The following PAPPA2 variants were observed in gnomAD, a reference collection of about 807,000 sequenced individuals.
PAPPA2 encodes the protein pappalysin 2.
A neutral mutation model predicts 176.4 loss-of-function variants in PAPPA2; 86 were observed. The observed-to-expected ratio is 0.49, with a 90% confidence interval of 0.41 to 0.58. The LOEUF is 0.58. Among genes scored for constraint, PAPPA2 ranks in the 20% least tolerant of loss-of-function variants. The pLI, the probability that PAPPA2 is intolerant of heterozygous loss-of-function variation, is 0.00. For missense variants in PAPPA2, 2,073 were observed against 2,256.9 expected (o/e 0.92, Z 1.65); for synonymous variants, 809 against 852.2 (o/e 0.95, Z 0.88).
intron 12 of PAPPA2, among the ~76,000 whole-genome samples, chr1:176,716,562 A>G (rs1380863038): frequency 6.7e-6 from 1 of 149,832 alleles, no homozygotes; most frequent in Non-Finnish European, 1.5e-5. Context: ...GAACCTCTTA[A>G]GAAAGTTTGT....
chr1:176,827,085 T>G (rs1053212253), intron 21 of PAPPA2, among the ~76,000 whole-genome samples: 1 of 152,214 alleles, frequency 6.6e-6, no homozygotes, highest in Non-Finnish European at 1.5e-5. Flanking sequence ...CTGATGACTT[T>G]CCTTCACAAA....
At chr1:176,813,696 A>T (rs1666265507) in intron 21 of PAPPA2, among the ~76,000 whole-genome samples, 1 of 152,184 alleles carries the variant, frequency 6.6e-6, no homozygotes, top group African/African-American at 2.4e-5. Context: ...GACCTTTGTC[A>T]GATGGATAGA....
At chr1:176,627,087 G>A (rs970513889) in intron 3 of PAPPA2, among the ~76,000 whole-genome samples, 1 of 151,786 alleles carries the variant, frequency 6.6e-6, no homozygotes, top group Admixed American at 6.6e-5. Flanking sequence ...ATTCAGGCCT[G>A]TACATCCAGA....
chr1:176,596,756 T>C (rs1200084546), intron 3 of PAPPA2, among the ~76,000 whole-genome samples: 1 of 152,216 alleles, frequency 6.6e-6, no homozygotes, highest in Non-Finnish European at 1.5e-5. Context: ...ATCTGGTGTG[T>C]CTCTTGTTCT....
chr1:176,491,391 C>T (rs912321340), intron 1 of PAPPA2, among the ~76,000 whole-genome samples: 1 of 152,112 alleles, frequency 6.6e-6, no homozygotes, highest in Non-Finnish European at 1.5e-5. Flanking sequence ...GACATCTAGG[C>T]TGGGCTTGAA....
intron 1 of PAPPA2, among the ~76,000 whole-genome samples, chr1:176,471,738 C>A (rs570911703): frequency 6.6e-6 from 1 of 152,308 alleles, no homozygotes; most frequent in African/African-American, 2.4e-5. Context: ...TGTGATATAT[C>A]CTTTCAATCT....
rs1461803605 is a variant in PAPPA2, at chr1:176,616,441, G to A, written c.1991+20846G>A. On this transcript the variant is annotated intron_variant, in intron 3 of 22. Coordinates refer to ENST00000367662, the MANE Select transcript of PAPPA2 (RefSeq NM_020318.3). ...TTCATTCCACCTTCAACTGATGCTA[G>A]GGCAACAAGTACTGGAGCTTTCCCA... The A allele has an allele frequency of 7.6e-6, 5 of 658,610 alleles. No individual in the cohort carries two copies. In the East Asian group the frequency reaches 1.3e-4, roughly 17 times the overall value. 40.8% of individuals were successfully genotyped at this position (658,610 alleles called of 1,614,324 possible).
chr1:176,701,872 C>G (rs1307371627), intron 8 of PAPPA2, among the ~76,000 whole-genome samples: 1 of 152,128 alleles, frequency 6.6e-6, no homozygotes, highest in Non-Finnish European at 1.5e-5. Context: ...CTTCTTGAGC[C>G]CTTTTCCTCT....
At chr1:176,527,245 C>T (rs959289419) in intron 1 of PAPPA2, among the ~76,000 whole-genome samples, 17 of 152,226 alleles carry the variant, frequency 1.1e-4, no homozygotes, top group African/African-American at 1.4e-4. Context: ...GATGCCACCA[C>T]AGCCATATTG....
chr1:176,503,680 C>T (rs573515903), intron 1 of PAPPA2, among the ~76,000 whole-genome samples: 1 of 152,256 alleles, frequency 6.6e-6, no homozygotes, highest in African/African-American at 2.4e-5. Context: ...TGTGCCATAG[C>T]TCCAATATTG....
rs1458282105 is a variant in PAPPA2 at position 176,755,352 on chromosome 1, G to T, written c.4152-10314G>T. On this transcript the variant is annotated intron_variant, in intron 14 of 22. Transcript: ENST00000367662. ...TCCTTAAGACTTCCATTTAGCCGTA[G>T]CTTATGTATAGCCCACAGAGCAGCC... is the stretch of plus-strand genomic sequence containing the variant. 2.0e-5 allele frequency among the ~76,000 whole-genome samples: 3 copies of T among 152,162 alleles called. No homozygotes were observed. In the East Asian group the frequency reaches 5.8e-4, roughly 29 times the overall value.
intron 14 of PAPPA2, among the ~76,000 whole-genome samples, chr1:176,742,037 G>A (rs1206508942): frequency 3.9e-5 from 6 of 152,148 alleles, no homozygotes; most frequent in African/African-American, 1.4e-4. Context: ...TTCACCTTCT[G>A]TGAAGTTTTG....
At position 176,690,164 on chromosome 1, in the gene PAPPA2, A is replaced by G. The variant is rs776736871; in HGVS notation, c.2165A>G (p.Tyr722Cys). 1 of 1,613,272 alleles carries G rather than the reference A, an allele frequency of 6.2e-7. No individual in the cohort carries two copies. The highest frequency in any genetic ancestry group is 8.5e-7 in the Non-Finnish European group (1 of 1,179,288). ...GGCATTGTCCTCAGCCCAGCATATT[A>G]TGGGATGCCTGGCCACACCGACACC... is the stretch of plus-strand genomic sequence containing the variant. The part of the protein sequence containing the change: ...LGGIVLSPAY[Y>C]GMPGHTDTMI... Residue 722 changes from tyrosine to cysteine, a missense_variant, in exon 5 of 23, where the codon TAT (tyrosine) becomes TGT (cysteine). By Grantham distance (194) the Tyr-to-Cys change is radical. This residue lies in a region of PAPPA2 where 1,196 missense variants were observed against 1,330.4 expected (regional missense o/e 0.90). Transcript: ENST00000367662.
At chr1:176,590,714 TA>T (rs1262189765) in intron 2 of PAPPA2, among the ~76,000 whole-genome samples, 1 of 152,200 alleles carries the variant, frequency 6.6e-6, no homozygotes, top group Admixed American at 6.5e-5. Context: ...AATAAGGTGA[TA>T]TAACTTTTTT....
chr1:176,764,166 A>G (rs941070609), intron 14 of PAPPA2, among the ~76,000 whole-genome samples: 1 of 152,138 alleles, frequency 6.6e-6, no homozygotes, highest in Non-Finnish European at 1.5e-5. Flanking sequence ...TCATGACCCA[A>G]ACACCTTCCA....
chr1:176,652,897 C>T (rs938030917), intron 3 of PAPPA2, among the ~76,000 whole-genome samples: 1 of 151,652 alleles, frequency 6.6e-6, no homozygotes, highest in Admixed American at 6.6e-5. Context: ...CACTTCTCTG[C>T]GACCCTGAGA....
rs558569600 is a variant in PAPPA2, at chr1:176,803,566, C to A, written c.5202+3434C>A. On this transcript the variant is annotated intron_variant, in intron 21 of 22. Transcript: ENST00000367662. Reference sequence around the variant, plus strand: ...ATCAGTCATCAGGTCAGTCGGTCACCAGATCATTATATGAGTAGCTCTACT... The same window carrying A: ...ATCAGTCATCAGGTCAGTCGGTCACAAGATCATTATATGAGTAGCTCTACT... 8.5e-5 allele frequency among the ~76,000 whole-genome samples: 13 copies of A among 152,270 alleles called. No individual in the cohort carries two copies. The South Asian group carries it at 2.3e-3, about 27-fold the overall frequency.
chr1:176,671,461 C>A (rs1032109748), intron 4 of PAPPA2, among the ~76,000 whole-genome samples: 2 of 152,168 alleles, frequency 1.3e-5, no homozygotes, highest in Non-Finnish European at 2.9e-5. Flanking sequence ...GACTGTGAAA[C>A]CTGCTTTACA....
At chr1:176,814,470 T>C (rs1395720688) in intron 21 of PAPPA2, among the ~76,000 whole-genome samples, 2 of 152,184 alleles carry the variant, frequency 1.3e-5, no homozygotes, top group African/African-American at 4.8e-5. Context: ...TGAGTGGTGA[T>C]TTATAGCTCT....
Sources: gnomAD v4.1 joint callset for allele counts (sites outside exome capture counted in the v4.1 genomes callset) on GRCh38, gnomAD v4.1.1 for gene constraint, gnomAD v4.1.1 regional missense constraint, MANE v1.5 for transcripts, NCBI Gene and HGNC (gene_info 2026-07-23, HGNC 2026-07-21) for gene names.